The following DMKN variants were observed in gnomAD, a reference collection of about 807,000 sequenced individuals.
The protein encoded by DMKN is dermokine.
DMKN carries 58 observed loss-of-function variants against 67.6 expected under a neutral mutation model. That is an observed-to-expected ratio of 0.86 (90% CI 0.69 to 1.07). The LOEUF is 1.07. Ranked by LOEUF, DMKN falls within the 50% of genes least tolerant of loss-of-function variation. DMKN has a pLI of 0.00. For missense variants in DMKN, 596 were observed against 601.5 expected (o/e 0.99, Z 0.10); for synonymous variants, 240 against 232.3 (o/e 1.03, Z -0.30).
At chr19:35,501,854 C>T (rs866879757) in intron 11 of DMKN, 2 of 1,584,736 alleles carry the variant, frequency 1.3e-6, no homozygotes, top group East Asian at 4.6e-5. Context: ...CCAGGCCAGG[C>T]CCAGCAGGAG....
chr19:35,511,621 G>A, intron 4 of DMKN, 28 bp from the exon 5 acceptor site: 5 of 1,608,840 alleles, frequency 3.1e-6, no homozygotes, highest in Non-Finnish European at 4.2e-6. Context: ...AGCAGGGCTG[G>A]GATTAAAGAC....
intron 7 of DMKN, chr19:35,506,589 G>A (rs1359679826): frequency 2.1e-6 from 1 of 468,178 alleles, no homozygotes; most frequent in Non-Finnish European, 4.3e-6. Flanking sequence ...TACAGTAACT[G>A]AAGGCTGCGT....
Position 35,513,365 on chromosome 19 carries a change from C to A in DMKN, c.111G>T (p.Glu37Asp). ...CGTCTCCCAGGCCATGTCCAAGGGC[C>A]TCCCCAATATTTGTCCCAGTGCTTT... is the stretch of plus-strand genomic sequence containing the variant. ...GEESTGTNIG[E>D]ALGHGLGDAL... is the part of the protein sequence containing the mutation. The change falls in exon 1 of 16, where the codon GAG becomes GAT. Residue 37 changes from glutamate (E) to aspartate (D), a missense_variant. Physicochemically the swap from Glu to Asp is conservative, Grantham distance 45 (BLOSUM62 2). Coordinates refer to ENST00000339686, the MANE Select transcript of DMKN (RefSeq NM_033317.5). The A allele has an allele frequency of 6.2e-7, 1 of 1,613,374 alleles. No individual in the cohort carries two copies. The highest frequency in any genetic ancestry group is 1.1e-5 in the South Asian group (1 of 91,084).
chr19:35,500,412 G>A, intron 12 of DMKN, 121 bp downstream of exon 12: 1 of 1,552,228 alleles, frequency 6.4e-7, no homozygotes, highest in Non-Finnish European at 8.7e-7. Flanking sequence ...CTGCCATCCT[G>A]CACCCGGCTG....
At chr19:35,512,918 C>A (rs1483672507) in intron 1 of DMKN, 128 bp from the exon 2 acceptor site, 3 of 1,511,534 alleles carry the variant, frequency 2.0e-6, no homozygotes, top group African/African-American at 1.4e-5. Flanking sequence ...AGGAGGGGGG[C>A]AGAACATAGA....
In DMKN at chr19:35,500,520, G is replaced by A. The variant is rs955342773; in HGVS notation, c.1287+13C>T. ...CAAGGGCCCTGCAGGGTAACTTGAG[G>A]ACAGAGACTCACCTGATCGTCTCTG... On this transcript the variant is annotated intron_variant, in intron 12 of 15. Coordinates refer to ENST00000339686, the MANE Select transcript of DMKN (RefSeq NM_033317.5). 3.1e-6 allele frequency: 5 copies of A among 1,609,130 alleles called. No individual in the cohort carries two copies. In the African/African-American group the frequency reaches 5.3e-5, roughly 17 times the overall value.
At chr19:35,500,183 T>TC in intron 12 of DMKN, 154 bp from the exon 13 acceptor site, 1 of 1,181,998 alleles carries the variant, frequency 8.5e-7, no homozygotes, top group Non-Finnish European at 1.2e-6. Flanking sequence ...TACAATCTCC[T>TC]CCAGCCAGCC....
intron 13 of DMKN, 103 bp downstream of exon 13, chr19:35,499,855 C>T (rs1002896120): frequency 7.1e-6 from 9 of 1,267,764 alleles, no homozygotes; most frequent in South Asian, 3.7e-5. Flanking sequence ...GAGCGGGATC[C>T]GGCCTCCGGC....
rs1052130076 is a variant in DMKN, at chr19:35,500,633, C to A, written c.1240-53G>T. ...TGCCTCCGCAGTCGTGCGGGCATTG[C>A]CGGGCTTTCAGAGCCCCAGTTTCTC... is the stretch of plus-strand genomic sequence containing the variant. On this transcript the variant is annotated intron_variant, in intron 11 of 15. Transcript: ENST00000339686. 2.6e-6 allele frequency: 4 copies of A among 1,561,898 alleles called. No homozygotes were observed. The African/African-American group carries it at 4.1e-5, about 16-fold the overall frequency.
rs1167584324 is a variant in DMKN at position 35,497,221 on chromosome 19, A to G, written c.*318T>C. ...AAAGAATAAAATTTGAGAAAGTCGT[A>G]GGGAAACAAGATTCATGTTTTATTT... On this transcript the variant is annotated 3_prime_UTR_variant, in exon 16 of 16. Coordinates refer to ENST00000339686, the MANE Select transcript of DMKN (RefSeq NM_033317.5). 2 of 152,274 alleles carry G rather than the reference A, an allele frequency of 1.3e-5. No individual in the cohort carries two copies. Among genetic ancestry groups the G allele is most frequent in the Admixed American group, 6.5e-5 (1 of 15,288 alleles). The allele number at this position is 152,274 out of a possible 1,614,324, so 9.4% of individuals were successfully genotyped here.
Position 35,502,227 on chromosome 19 carries a change from C to CA in DMKN, c.1192-45dup, listed in dbSNP as rs2068526422. On this transcript the variant is annotated intron_variant, in intron 10 of 15. Transcript: ENST00000339686. Reference sequence around the variant, plus strand: ...CAGAGTGGGCCGGGGAGGCAGAACCCACGGGGTGGTCTATGCAGCAAATTG... The same window carrying CA: ...CAGAGTGGGCCGGGGAGGCAGAACCCAACGGGGTGGTCTATGCAGCAAATTG... 3 of 1,609,364 alleles carry CA rather than the reference C, an allele frequency of 1.9e-6. No individual in the cohort carries two copies. The Admixed American group carries it at 5.0e-5, about 27-fold the overall frequency.
intron 12 of DMKN, 34 bp from the exon 13 acceptor site, chr19:35,500,063 ACG>A (rs1170303293): frequency 6.2e-7 from 1 of 1,612,882 alleles, no homozygotes; most frequent in South Asian, 1.1e-5. Flanking sequence ...GTTAGAACAG[ACG>A]GACGAAGGCC....
intron 5 of DMKN, among the ~76,000 whole-genome samples, 181 bp downstream of exon 5, chr19:35,511,230 C>T (rs890405880): frequency 2.3e-4 from 35 of 152,108 alleles, no homozygotes; most frequent in Non-Finnish European, 4.6e-4. Flanking sequence ...CGATAGTGCG[C>T]GCATCAGGGG....
intron 11 of DMKN, chr19:35,501,722 G>A (rs375201460): frequency 1.7e-5 from 22 of 1,257,794 alleles, no homozygotes; most frequent in Middle Eastern, 2.2e-4. Flanking sequence ...CCTGCACACC[G>A]CCCTCCCGTT....
chr19:35,500,052 G>A (rs200492617), intron 12 of DMKN, 23 bp from the exon 13 acceptor site: 40 of 1,613,854 alleles, frequency 2.5e-5, no homozygotes, highest in South Asian at 1.8e-4. Context: ...TGGGCATGGC[G>A]GTTAGAACAG....
In DMKN at chr19:35,500,048, T is replaced by C. The variant is rs1463610133; in HGVS notation, c.1288-19A>G. ...TGTAGTTCTGTGGAAGAAGTGGGCA[T>C]GGCGGTTAGAACAGACGGACGAAGG... On this transcript the variant is annotated intron_variant, in intron 12 of 15. Coordinates refer to ENST00000339686, the MANE Select transcript of DMKN (RefSeq NM_033317.5). The C allele has an allele frequency of 6.2e-7, 1 of 1,614,038 alleles. No homozygotes were observed. Among genetic ancestry groups the C allele is most frequent in the Non-Finnish European group, 8.5e-7 (1 of 1,179,994 alleles).
chr19:35,511,775 G>A lies in DMKN; in HGVS notation c.723C>T (p.Ser241=). ...CCTCTCCACTCACCCCAGAGTTGCT[G>A]GAGCCTCCACCTGAGCCAGATGGTG... ...NPPPSGSGGG[S]SNSGGGSGSQ... The change falls in exon 4 of 16, where the codon TCC becomes TCT. Residue 241 remains serine, a synonymous_variant. Coordinates refer to ENST00000339686, the MANE Select transcript of DMKN (RefSeq NM_033317.5). 2 of 1,613,296 alleles carry A rather than the reference G, an allele frequency of 1.2e-6. No homozygotes were observed. The highest frequency in any genetic ancestry group is 1.7e-6 in the Non-Finnish European group (2 of 1,179,574).
At chr19:35,503,685 A>G (rs1031892250) in intron 9 of DMKN, among the ~76,000 whole-genome samples, 1 of 152,070 alleles carries the variant, frequency 6.6e-6, no homozygotes, top group Admixed American at 6.5e-5. Flanking sequence ...CACATTGGCC[A>G]GGCTGGTTTC....
chr19:35,503,377 AG>A (rs1394090878), intron 9 of DMKN: 42 of 1,532,498 alleles, frequency 2.7e-5, no homozygotes, highest in Middle Eastern at 3.4e-4. Context: ...TTAAGGAGGG[AG>A]TGTGGGGGCT....
Sources: gnomAD v4.1 joint callset for allele counts (sites outside exome capture counted in the v4.1 genomes callset) on GRCh38, gnomAD v4.1.1 for gene constraint, MANE v1.5 for transcripts, NCBI Gene and HGNC (gene_info 2026-07-23, HGNC 2026-07-21) for gene names.